The following COL5A2 variants were observed in gnomAD, a reference collection of about 807,000 sequenced individuals.
COL5A2 encodes the protein collagen alpha-2(V) chain.
Under a neutral mutation model 208.2 loss-of-function variants are expected in COL5A2, and 23 were observed. That is an observed-to-expected ratio of 0.11 (90% confidence interval 0.08 to 0.16). The LOEUF is 0.16. COL5A2 is among the 10% of genes least tolerant of loss of function. The pLI, the probability that COL5A2 is intolerant of heterozygous loss-of-function variation, is 1.00. For missense variants in COL5A2, 1,590 were observed against 1,956.4 expected (o/e 0.81, Z 3.53); for synonymous variants, 625 against 628.5 (o/e 0.99, Z 0.08).
chr2:189,067,388 C>T (rs945879782), intron 21 of COL5A2, among the ~76,000 whole-genome samples: 1 of 152,012 alleles, frequency 6.6e-6, no homozygotes, highest in Admixed American at 6.6e-5. Context: ...CTGTCACCAG[C>T]ACTTTAAGAG....
chr2:189,248,307 T>C, the COL5A2 span, among the ~76,000 whole-genome samples: 1 of 152,192 alleles, frequency 6.6e-6, no homozygotes, highest in African/African-American at 2.4e-5. Flanking sequence ...TTCTATGTTT[T>C]AAAAAATTGG....
At chr2:189,291,730 A>C in the COL5A2 span, among the ~76,000 whole-genome samples, 3 of 152,028 alleles carry the variant, frequency 2.0e-5, no homozygotes, top group African/African-American at 7.2e-5. Context: ...TATCTGGGTA[A>C]AATTTTTTCT....
chr2:189,063,339 T>A, intron 26 of COL5A2, 69 bp from the exon 27 acceptor site: 1 of 1,231,956 alleles, frequency 8.1e-7, no homozygotes, highest in Non-Finnish European at 1.2e-6. Context: ...ACCCAAAGTG[T>A]CACCTTTGCT....
chr2:189,089,278 T>C (rs73978847), intron 7 of COL5A2, among the ~76,000 whole-genome samples: 3,768 of 152,276 alleles, frequency 0.025, 106 homozygotes, highest in South Asian at 0.085. Flanking sequence ...ATAACACTTT[T>C]ATAGTCCTTT....
chr2:189,056,918 A>G (rs2105573831), intron 35 of COL5A2, 55 bp downstream of exon 35: 3 of 1,534,832 alleles, frequency 2.0e-6, no homozygotes, highest in Non-Finnish European at 1.8e-6. Flanking sequence ...GGAAACTCAT[A>G]TGATACTGTA....
chr2:189,373,149 T>G, the COL5A2 span, among the ~76,000 whole-genome samples: 2 of 152,174 alleles, frequency 1.3e-5, no homozygotes, highest in Non-Finnish European at 2.9e-5. Flanking sequence ...CTCATTTTCT[T>G]CCCCAAAGGA....
At chr2:189,180,460 GA>G (rs1688763569), upstream of COL5A2, among the ~76,000 whole-genome samples, 1 of 152,138 alleles carries the variant, frequency 6.6e-6, no homozygotes, top group South Asian at 2.1e-4. Context: ...TTACCATGTT[GA>G]AAAATAGTCT....
chr2:189,361,978 T>C, the COL5A2 span, among the ~76,000 whole-genome samples: 1 of 152,138 alleles, frequency 6.6e-6, no homozygotes, highest in African/African-American at 2.4e-5. Flanking sequence ...TCTTAGCCAA[T>C]TGTTACAGTT....
chr2:189,281,530 T>C, the COL5A2 span, among the ~76,000 whole-genome samples: 2 of 152,188 alleles, frequency 1.3e-5, no homozygotes, highest in Non-Finnish European at 2.9e-5. Context: ...AAAAGAAGAA[T>C]AATATGGCAG....
chr2:189,213,624 C>T (rs752158371), intron 1 of COL5A2, among the ~76,000 whole-genome samples: 3 of 152,132 alleles, frequency 2.0e-5, no homozygotes, highest in South Asian at 4.1e-4. Flanking sequence ...GCCTGGGTTC[C>T]TCAAATTAAC....
At chr2:189,229,177 C>T (rs1269069112), upstream of COL5A2, among the ~76,000 whole-genome samples, 8 of 151,584 alleles carry the variant, frequency 5.3e-5, no homozygotes, top group Admixed American at 4.6e-4. Flanking sequence ...AGGTTATATA[C>T]AACAAGTCCA....
At chr2:189,226,896 G>A (rs1169192259), upstream of COL5A2, among the ~76,000 whole-genome samples, 2 of 152,158 alleles carry the variant, frequency 1.3e-5, no homozygotes, top group Non-Finnish European at 2.9e-5. Flanking sequence ...GATTTGAGCG[G>A]CATGTTGCTG....
the COL5A2 span, among the ~76,000 whole-genome samples, chr2:189,425,074 TG>T: frequency 6.6e-6 from 1 of 152,178 alleles, no homozygotes; most frequent in African/African-American, 2.4e-5. Flanking sequence ...TAAATTGTAT[TG>T]GGAAAAATGG....
chr2:189,057,290 GAAA>G (rs34715449), intron 34 of COL5A2, 27 bp downstream of exon 34: 2,960 of 705,168 alleles, frequency 4.2e-3, no homozygotes, highest in Middle Eastern at 7.1e-3. Context: ...TAAATGAACT[GAAA>G]AAAAAAAAAA....
chr2:189,049,077 C>T (rs1172065316), intron 44 of COL5A2, among the ~76,000 whole-genome samples: 1 of 152,122 alleles, frequency 6.6e-6, no homozygotes, highest in Admixed American at 6.5e-5. Flanking sequence ...TCCTTTCACC[C>T]TCAAAACAGT....
At chr2:189,321,116 T>C in the COL5A2 span, among the ~76,000 whole-genome samples, 1 of 152,170 alleles carries the variant, frequency 6.6e-6, no homozygotes, top group Non-Finnish European at 1.5e-5. Context: ...AAGCAAATGC[T>C]GAGAGATTTT....
chr2:189,427,068 C>T, the COL5A2 span, among the ~76,000 whole-genome samples: 1 of 152,248 alleles, frequency 6.6e-6, no homozygotes, highest in Non-Finnish European at 1.5e-5. Flanking sequence ...ACCTCAAAGG[C>T]ATTTCAGAGA....
intron 47 of COL5A2, among the ~76,000 whole-genome samples, chr2:189,044,923 G>A (rs1419380227): frequency 6.6e-6 from 1 of 151,980 alleles, no homozygotes; most frequent in African/African-American, 2.4e-5. Context: ...ATTATTTTAG[G>A]AGAAACCTGT....
chr2:189,324,964 A>G, the COL5A2 span, among the ~76,000 whole-genome samples: 1 of 152,234 alleles, frequency 6.6e-6, no homozygotes, highest in East Asian at 1.9e-4. Flanking sequence ...TGGCACATAT[A>G]CACCATGGAA....
Sources: allele counts gnomAD v4.1 joint callset (sites outside exome capture counted in the v4.1 genomes callset), GRCh38; gene constraint gnomAD v4.1.1; transcripts MANE v1.5; gene names NCBI Gene and HGNC (gene_info 2026-07-23, HGNC 2026-07-21).